Variants in TRPM3 observed in about 807,000 individuals in gnomAD.
TRPM3 encodes the protein transient receptor potential cation channel subfamily M member 3.
TRPM3 carries 77 observed loss-of-function variants against 181.2 expected under a neutral mutation model. The observed-to-expected ratio is 0.42, with a 90% CI of 0.35 to 0.51. TRPM3 has a LOEUF of 0.51. Among genes scored for constraint, TRPM3 ranks in the 20% least tolerant of loss-of-function variants. The pLI is 0.01. For missense variants in TRPM3, 1,759 were observed against 2,196.7 expected (o/e 0.80, Z 3.98); for synonymous variants, 745 against 796.4 (o/e 0.94, Z 1.09).
intron 1 of TRPM3, among the ~76,000 whole-genome samples, chr9:71,387,365 A>T (rs2092950218): frequency 6.6e-6 from 1 of 152,154 alleles, no homozygotes; most frequent in Non-Finnish European, 1.5e-5. Flanking sequence ...CATCTGTGGG[A>T]TCTCTCTCAG....
chr9:70,535,867 A>G lies in TRPM3; in HGVS notation c.*86T>C, dbSNP rs887292839. 1.3e-6 allele frequency: 2 copies of G among 1,520,328 alleles called. No individual in the cohort carries two copies. Among genetic ancestry groups the G allele is most frequent in the African/African-American group, 1.4e-5 (1 of 71,788 alleles). 94.2% of individuals were successfully genotyped at this position (1,520,328 alleles called of 1,614,324 possible). A position where few individuals can be genotyped will look rare whatever the true frequency, so the allele number is the denominator to read the frequency against. On this transcript the variant is annotated 3_prime_UTR_variant, in exon 26 of 26. Coordinates refer to ENST00000677713, the MANE Select transcript of TRPM3 (RefSeq NM_001366145.2). Reference sequence around the variant, plus strand: ...TTGCTCAGCTAAGAATAAAGCAGGTATGATTCAAGGAAAGGGGAAAAACTG... The same window carrying G: ...TTGCTCAGCTAAGAATAAAGCAGGTGTGATTCAAGGAAAGGGGAAAAACTG...
At chr9:71,185,360 T>G (rs1271885226) in intron 1 of TRPM3, among the ~76,000 whole-genome samples, 1 of 152,114 alleles carries the variant, frequency 6.6e-6, no homozygotes, top group Admixed American at 6.6e-5. Context: ...AGGAAAGACA[T>G]TCGCTTGTAG....
chr9:71,408,694 A>G (rs530795122), intron 1 of TRPM3, among the ~76,000 whole-genome samples: 342 of 152,356 alleles, frequency 2.2e-3, no homozygotes, highest in Non-Finnish European at 3.4e-3. Flanking sequence ...GATATCATCC[A>G]GGAGAACTTC....
intron 1 of TRPM3, among the ~76,000 whole-genome samples, chr9:70,968,056 A>G (rs537850107): frequency 6.6e-6 from 1 of 152,188 alleles, no homozygotes; most frequent in East Asian, 1.9e-4. Flanking sequence ...AATAATGGTC[A>G]TATTTACTCT....
intron 1 of TRPM3, among the ~76,000 whole-genome samples, chr9:71,018,048 A>C (rs768279448): frequency 4.6e-5 from 7 of 151,960 alleles, no homozygotes; most frequent in Admixed American, 6.6e-5. Flanking sequence ...CCGCTGTTTA[A>C]GATCTGAAAA....
intron 1 of TRPM3, among the ~76,000 whole-genome samples, chr9:71,313,257 T>A (rs575704217): frequency 0.025 from 3,855 of 152,200 alleles, 73 homozygotes; most frequent in Non-Finnish European, 0.039. Flanking sequence ...CACTAAAAAT[T>A]TTTTAAGTAC....
At chr9:70,558,255 C>G (rs1239481419) in intron 22 of TRPM3, among the ~76,000 whole-genome samples, 1 of 152,158 alleles carries the variant, frequency 6.6e-6, no homozygotes. Flanking sequence ...AACCAGCCTT[C>G]TATAGTCATA....
At chr9:71,156,681 C>T (rs1716148819) in intron 1 of TRPM3, among the ~76,000 whole-genome samples, 1 of 152,002 alleles carries the variant, frequency 6.6e-6, no homozygotes, top group Admixed American at 6.6e-5. Context: ...TTTCCTTATT[C>T]ACCACCATAC....
At chr9:71,078,075 G>A (rs1242507251) in intron 1 of TRPM3, among the ~76,000 whole-genome samples, 3 of 151,832 alleles carry the variant, frequency 2.0e-5, no homozygotes, top group East Asian at 1.9e-4. Context: ...ATATATGTGC[G>A]CTTGTGGGCA....
At chr9:71,446,159 C>T (rs937028256) in intron 1 of TRPM3, among the ~76,000 whole-genome samples, 1 of 152,168 alleles carries the variant, frequency 6.6e-6, no homozygotes, top group Admixed American at 6.5e-5. Flanking sequence ...AAATGACATC[C>T]TGCAAACAAT....
chr9:70,864,067 T>G (rs1010739624), intron 2 of TRPM3, among the ~76,000 whole-genome samples: 4 of 152,102 alleles, frequency 2.6e-5, no homozygotes, highest in Non-Finnish European at 5.9e-5. Context: ...TAGGAGTCTT[T>G]TATTTAAGTG....
At chr9:71,047,670 C>G (rs1045214196) in intron 1 of TRPM3, among the ~76,000 whole-genome samples, 2 of 152,160 alleles carry the variant, frequency 1.3e-5, no homozygotes, top group Admixed American at 1.3e-4. Flanking sequence ...TTACCATAAG[C>G]AAGAACTCAT....
At chr9:71,069,608 CT>C (rs71367252) in intron 1 of TRPM3, among the ~76,000 whole-genome samples, 8,183 of 126,456 alleles carry the variant, frequency 0.065, 210 homozygotes, top group African/African-American at 0.11. Context: ...TTCCTTTTTT[CT>C]TTTTTTTTTT....
chr9:70,928,735 G>T (rs866593856), intron 1 of TRPM3, among the ~76,000 whole-genome samples: 2 of 152,144 alleles, frequency 1.3e-5, no homozygotes, highest in African/African-American at 4.8e-5. Flanking sequence ...TGTACAGAGG[G>T]GTGTGGTTGA....
At chr9:71,047,541 G>A (rs1326023430) in intron 1 of TRPM3, among the ~76,000 whole-genome samples, 1 of 152,100 alleles carries the variant, frequency 6.6e-6, no homozygotes, top group African/African-American at 2.4e-5. Flanking sequence ...TTTGACACAG[G>A]GTTTGAAATA....
intron 1 of TRPM3, among the ~76,000 whole-genome samples, chr9:71,252,389 C>T (rs12551732): frequency 0.27 from 40,731 of 151,876 alleles, 6,026 homozygotes; most frequent in Middle Eastern, 0.47. Flanking sequence ...AGCCATGACA[C>T]GTTTATCAGA....
chr9:70,658,702 C>G (rs923441880), intron 9 of TRPM3, among the ~76,000 whole-genome samples: 1 of 151,826 alleles, frequency 6.6e-6, no homozygotes, highest in Non-Finnish European at 1.5e-5. Flanking sequence ...TTGTTTTTGT[C>G]CTCTTTAGAA....
At chr9:70,775,452 A>T (rs2081169227) in intron 7 of TRPM3, 1 of 152,300 alleles carries the variant, frequency 6.6e-6, no homozygotes, top group Non-Finnish European at 1.5e-5. Context: ...AGGTTTGTTG[A>T]GTGAGAGCTG....
chr9:71,268,753 C>G (rs372465113), intron 1 of TRPM3, among the ~76,000 whole-genome samples: 2 of 152,062 alleles, frequency 1.3e-5, no homozygotes, highest in African/African-American at 2.4e-5. Context: ...ACCCAGGGAA[C>G]GGAGGTTGCA....
Sources: gnomAD v4.1 joint callset for allele counts (sites outside exome capture counted in the v4.1 genomes callset) on GRCh38, gnomAD v4.1.1 for gene constraint, MANE v1.5 for transcripts, NCBI Gene and HGNC (gene_info 2026-07-23, HGNC 2026-07-21) for gene names.